The following TGFA variants were observed in gnomAD, a reference collection of about 807,000 sequenced individuals.
TGFA encodes protransforming growth factor alpha.
Under a neutral mutation model 21.7 loss-of-function variants are expected in TGFA, and 12 were observed. The ratio of observed to expected loss-of-function variants is 0.55; its 90% CI spans 0.35 to 0.90. TGFA has a LOEUF of 0.90. TGFA is among the 40% of genes least tolerant of loss of function. TGFA has a pLI of 0.01. For synonymous variants in TGFA, 79 were observed against 88.1 expected, an observed-to-expected ratio of 0.90 and a Z score of 0.58; for missense variants, 178 against 210.8, an observed-to-expected ratio of 0.84 and a Z score of 0.96.
At chr2:70,500,484 T>C (rs950032128) in intron 2 of TGFA, among the ~76,000 whole-genome samples, 2 of 152,188 alleles carry the variant, frequency 1.3e-5, no homozygotes, top group South Asian at 4.1e-4. Flanking sequence ...TAACTTGTAG[T>C]CTTAATGGCA....
intron 1 of TGFA, 24 bp from the exon 2 acceptor site, chr2:70,514,936 A>G (rs782495918): frequency 2.1e-5 from 34 of 1,611,726 alleles, no homozygotes; most frequent in Non-Finnish European, 2.9e-5. Context: ...GAGAAGAGGG[A>G]AAAGGTCAGA....
intron 2 of TGFA, among the ~76,000 whole-genome samples, chr2:70,485,510 G>A (rs1340864416): frequency 2.0e-5 from 3 of 152,152 alleles, no homozygotes; most frequent in Non-Finnish European, 4.4e-5. Context: ...TGCTGGCACA[G>A]TCCCTTTTAG....
intron 1 of TGFA, among the ~76,000 whole-genome samples, chr2:70,548,495 C>A (rs981821754): frequency 5.9e-5 from 9 of 152,162 alleles, no homozygotes; most frequent in Admixed American, 2.0e-4. Flanking sequence ...CTTGAGGAAA[C>A]CCTAAGCAGC....
chr2:70,526,647 C>T (rs185831457), intron 1 of TGFA, among the ~76,000 whole-genome samples: 30 of 152,286 alleles, frequency 2.0e-4, no homozygotes, highest in African/African-American at 6.0e-4. Context: ...ACAAAAATCC[C>T]GGAGAAAATG....
intron 1 of TGFA, among the ~76,000 whole-genome samples, chr2:70,533,331 C>A (rs1380211833): frequency 6.6e-6 from 1 of 151,932 alleles, no homozygotes; most frequent in Non-Finnish European, 1.5e-5. Flanking sequence ...CCTACCCCCA[C>A]CCCCCAACAC....
intron 1 of TGFA, among the ~76,000 whole-genome samples, chr2:70,537,794 G>A (rs1231924257): frequency 6.6e-6 from 1 of 152,230 alleles, no homozygotes; most frequent in African/African-American, 2.4e-5. Flanking sequence ...AAGTGCTGAC[G>A]TAGGAGCTGC....
chr2:70,551,277 G>A (rs556939429), intron 1 of TGFA, among the ~76,000 whole-genome samples: 16 of 152,174 alleles, frequency 1.1e-4, no homozygotes, highest in Non-Finnish European at 2.1e-4. Flanking sequence ...CCAAGCCCCC[G>A]TGCGGTCTGC....
intron 2 of TGFA, among the ~76,000 whole-genome samples, chr2:70,497,639 G>A (rs1671616647): frequency 6.6e-6 from 1 of 152,132 alleles, no homozygotes; most frequent in Admixed American, 6.5e-5. Flanking sequence ...AGAAAGGAGG[G>A]CCAGGCTGGT....
chr2:70,463,533 T>C (rs1241573183), intron 3 of TGFA, among the ~76,000 whole-genome samples: 1 of 152,098 alleles, frequency 6.6e-6, no homozygotes, highest in African/African-American at 2.4e-5. Flanking sequence ...GGCTGCCAGC[T>C]CTTGGAAAAT....
chr2:70,528,167 A>G (rs1050355799), intron 1 of TGFA, among the ~76,000 whole-genome samples: 15 of 152,274 alleles, frequency 9.9e-5, no homozygotes, highest in African/African-American at 3.6e-4. Flanking sequence ...GGCTATGTTC[A>G]GTAACATCTA....
At chr2:70,552,108 GACC>G (rs1484823830) in intron 1 of TGFA, among the ~76,000 whole-genome samples, 1 of 152,172 alleles carries the variant, frequency 6.6e-6, no homozygotes, top group Non-Finnish European at 1.5e-5. Flanking sequence ...GGACTATAAT[GACC>G]ACAAGTTAGG....
intron 2 of TGFA, among the ~76,000 whole-genome samples, chr2:70,500,556 A>G (rs1480143948): frequency 3.9e-5 from 6 of 152,108 alleles, no homozygotes; most frequent in Non-Finnish European, 8.8e-5. Flanking sequence ...TTCCAAGAGC[A>G]ACTATTTGAA....
intron 2 of TGFA, among the ~76,000 whole-genome samples, 188 bp downstream of exon 2, chr2:70,514,671 C>G (rs528486374): frequency 4.0e-4 from 61 of 152,230 alleles, no homozygotes; most frequent in East Asian, 1.4e-3. Flanking sequence ...AACAGCCCCC[C>G]CTTGGGCCTG....
intron 3 of TGFA, among the ~76,000 whole-genome samples, chr2:70,459,443 A>G (rs1048922355): frequency 1.3e-5 from 2 of 152,374 alleles, no homozygotes; most frequent in East Asian, 3.9e-4. Flanking sequence ...AATCTCACCC[A>G]GTAAGGCTAC....
At chr2:70,550,543 G>C (rs1433694026) in intron 1 of TGFA, among the ~76,000 whole-genome samples, 1 of 152,044 alleles carries the variant, frequency 6.6e-6, no homozygotes, top group Non-Finnish European at 1.5e-5. Context: ...CTCCAGGGCC[G>C]GGCACGGTGG....
At chr2:70,539,488 T>G (rs1203239179) in intron 1 of TGFA, among the ~76,000 whole-genome samples, 1 of 152,238 alleles carries the variant, frequency 6.6e-6, no homozygotes, top group Non-Finnish European at 1.5e-5. Context: ...GGAGTCTCAC[T>G]CTGTCGCCCA....
intron 1 of TGFA, among the ~76,000 whole-genome samples, chr2:70,525,062 C>A (rs1400844525): frequency 1.3e-5 from 2 of 152,202 alleles, no homozygotes; most frequent in Non-Finnish European, 2.9e-5. Flanking sequence ...TCAGCTCAGT[C>A]AAAGCCATGT....
chr2:70,533,631 G>GT (rs1672882895), intron 1 of TGFA, among the ~76,000 whole-genome samples: 1 of 150,946 alleles, frequency 6.6e-6, no homozygotes, highest in African/African-American at 2.4e-5. Flanking sequence ...ATAGGCTGCT[G>GT]GTCTTGTTAA....
intron 1 of TGFA, among the ~76,000 whole-genome samples, chr2:70,520,996 C>G (rs1415470234): frequency 6.6e-6 from 1 of 152,096 alleles, no homozygotes; most frequent in Non-Finnish European, 1.5e-5. Flanking sequence ...TCCATCCTAT[C>G]CATCCCCCTG....
Sources: allele counts gnomAD v4.1 joint callset (sites outside exome capture counted in the v4.1 genomes callset), GRCh38; gene constraint gnomAD v4.1.1; transcripts MANE v1.5; gene names NCBI Gene and HGNC (gene_info 2026-07-23, HGNC 2026-07-21).